The following TMT1A variants were observed in gnomAD, a reference collection of about 807,000 sequenced individuals.
TMT1A encodes the protein thiol S-methyltransferase TMT1A.
the TMT1A span, chr12:50,925,193 C>G: frequency 6.2e-7 from 1 of 1,614,168 alleles, no homozygotes; most frequent in Admixed American, 1.7e-5. Context: ...GAACAGATGG[C>G]AAGCAAGAAG....
the TMT1A span, chr12:50,925,276 G>A: frequency 6.2e-7 from 1 of 1,614,214 alleles, no homozygotes; most frequent in South Asian, 1.1e-5. Context: ...AGTGGGCTGT[G>A]GCACGGGGGC....
chr12:50,925,488 G>A, the TMT1A span: 12 of 1,614,108 alleles, frequency 7.4e-6, no homozygotes, highest in African/African-American at 1.3e-4. Context: ...TGTGCTCTGT[G>A]AAGAACCAGG....
chr12:50,926,560 G>T, the TMT1A span, among the ~76,000 whole-genome samples: 5 of 152,232 alleles, frequency 3.3e-5, no homozygotes, highest in Non-Finnish European at 5.9e-5. Context: ...ATGTAAGTGA[G>T]TTGTCATATT....
At chr12:50,925,333 C>G in the TMT1A span, 1 of 1,614,158 alleles carries the variant, frequency 6.2e-7, no homozygotes, top group Non-Finnish European at 8.5e-7. Flanking sequence ...CTGTATTGAC[C>G]CCAACCCCAA....
At chr12:50,929,951 A>C in the TMT1A span, 1 of 1,612,948 alleles carries the variant, frequency 6.2e-7, no homozygotes, top group East Asian at 2.2e-5. Flanking sequence ...GTGGCAGCTG[A>C]GTGTTCGACT....
the TMT1A span, chr12:50,925,567 A>G: frequency 6.3e-7 from 1 of 1,595,298 alleles, no homozygotes; most frequent in Non-Finnish European, 8.6e-7. Context: ...AGGACTAGTT[A>G]GTAGCAGCTA....
At chr12:50,925,235 C>T in the TMT1A span, 4 of 1,614,142 alleles carry the variant, frequency 2.5e-6, no homozygotes, top group Non-Finnish European at 2.5e-6. Context: ...CAGGAGTTTG[C>T]GGGCCCCTCC....
chr12:50,930,837 C>T, the TMT1A span: 1 of 152,260 alleles, frequency 6.6e-6, no homozygotes, highest in East Asian at 1.9e-4. Context: ...CTGCCTCGGC[C>T]TCCCAAAGTG....
chr12:50,925,678 G>A, the TMT1A span: 29 of 1,015,378 alleles, frequency 2.9e-5, no homozygotes, highest in Middle Eastern at 9.7e-4. Context: ...AAATTTTAGC[G>A]TGGGAGAGAA....
chr12:50,925,293 C>T, the TMT1A span: 1 of 1,614,218 alleles, frequency 6.2e-7, no homozygotes, highest in Admixed American at 1.7e-5. Context: ...GGGCCAACTT[C>T]AAGTTCTACC....
At chr12:50,926,756 A>G in the TMT1A span, among the ~76,000 whole-genome samples, 1 of 152,236 alleles carries the variant, frequency 6.6e-6, no homozygotes, top group Non-Finnish European at 1.5e-5. Flanking sequence ...ATATATGTGT[A>G]TAAGTTAATG....
At chr12:50,925,598 G>C in the TMT1A span, 1 of 1,512,796 alleles carries the variant, frequency 6.6e-7, no homozygotes, top group East Asian at 2.3e-5. Context: ...GGGCAGGCCT[G>C]TCAATTTCAG....
the TMT1A span, chr12:50,930,099 A>G: frequency 3.7e-6 from 6 of 1,614,024 alleles, no homozygotes; most frequent in Admixed American, 5.0e-5. Context: ...TCCAGGCCCC[A>G]CTGTCCTGGG....
chr12:50,932,283 C>T, the TMT1A span: 1 of 152,076 alleles, frequency 6.6e-6, no homozygotes, highest in African/African-American at 2.4e-5. Flanking sequence ...CTAATTCCAC[C>T]CCTGTTGGAA....
the TMT1A span, among the ~76,000 whole-genome samples, chr12:50,926,045 A>AAAAAAAAAAAAAAAAAGAAAAAAAAAAGG: frequency 7.9e-6 from 1 of 126,248 alleles, no homozygotes; most frequent in South Asian, 2.5e-4. Flanking sequence ...AAAAAGAAAG[A>AAAAAAAAAAAAAAAAAGAAAAAAAAAAGG]AAGAAAAAAA....
the TMT1A span, chr12:50,930,131 A>G: frequency 9.3e-6 from 15 of 1,610,232 alleles, no homozygotes; most frequent in African/African-American, 2.7e-5. Context: ...CCTCATATCT[A>G]TGGATATGCT....
chr12:50,931,383 T>G, the TMT1A span: 2 of 151,860 alleles, frequency 1.3e-5, no homozygotes, highest in Non-Finnish European at 2.9e-5. Context: ...CAGCACAGAT[T>G]TTTTCTTTCT....
chr12:50,930,943 G>C, the TMT1A span: 2 of 152,124 alleles, frequency 1.3e-5, no homozygotes, highest in East Asian at 3.9e-4. Context: ...ATCCTATTTA[G>C]CCATTTTCTA....
chr12:50,932,396 A>G, the TMT1A span: 22 of 152,316 alleles, frequency 1.4e-4, no homozygotes, highest in Admixed American at 1.2e-3. Flanking sequence ...ATTTTCTGCA[A>G]TGGTTTGTAG....
Sources: gnomAD v4.1 joint callset for allele counts (sites outside exome capture counted in the v4.1 genomes callset) on GRCh38, gnomAD v4.1.1 for gene constraint, MANE v1.5 for transcripts, NCBI Gene and HGNC (gene_info 2026-07-23, HGNC 2026-07-21) for gene names.